The following PDE2A variants were observed in gnomAD, a reference collection of about 807,000 sequenced individuals.
The protein encoded by PDE2A is cGMP-dependent 3',5'-cyclic phosphodiesterase.
Under a neutral mutation model 133.6 loss-of-function variants are expected in PDE2A, and 53 were observed. The observed-to-expected ratio is 0.40, with a 90% CI of 0.32 to 0.50. The LOEUF (loss-of-function observed/expected upper bound fraction) is 0.50. Ranked by LOEUF, PDE2A falls within the 20% of genes least tolerant of loss-of-function variation. PDE2A has a pLI of 0.73. For synonymous variants in PDE2A, 491 were observed against 490.2 expected (o/e 1.00, Z -0.02); for missense variants, 796 against 1,232.4 (o/e 0.65, Z 5.30).
chr11:72,597,562 C>A lies in PDE2A; in HGVS notation c.381G>T (p.Leu127=), dbSNP rs746887956. The A allele has an allele frequency of 1.9e-6, 3 of 1,612,252 alleles. No homozygotes were observed. The highest frequency in any genetic ancestry group is 1.1e-5 in the South Asian group (1 of 91,064). The change falls in exon 5 of 31, where the codon CTG becomes CTT. Residue 127 remains leucine (L), a synonymous_variant. Coordinates refer to ENST00000334456, the MANE Select transcript of PDE2A (RefSeq NM_002599.5). This position sits in a 1 kb window ranked among gnomAD's most constrained non-coding sequence, Gnocchi z 4.6. ...CCAGCCTGGCCAAGGGCTTCCCTGG[C>A]AGGTCTGAGAAGCCCAGCCCATTGC... ...LGCNGLGFSD[L]PGKPLARLVA...
chr11:72,581,285 C>T (rs1591012781), intron 23 of PDE2A, 72 bp downstream of exon 23: 3 of 1,474,806 alleles, frequency 2.0e-6, no homozygotes, highest in Non-Finnish European at 2.8e-6. Flanking sequence ...GCCTGACACA[C>T]AGGGGGTGCT....
rs570988465 is a variant in PDE2A at position 72,663,350 on chromosome 11, G to T, written c.71+10787C>A. Among the ~76,000 whole-genome samples the T allele has an allele frequency of 3.3e-5, 5 of 152,316 alleles. No homozygotes were observed. In the East Asian group the frequency reaches 7.7e-4, roughly 23 times the overall value. The stretch of plus-strand genomic sequence containing the variant: ...CTGTGCTGCCCAGATACAGAGCGCG[G>T]TGATCACGGCAGGAAGCAGCTCTCA... On this transcript the variant is annotated intron_variant, in intron 1 of 30. Transcript: ENST00000334456.
intron 1 of PDE2A, among the ~76,000 whole-genome samples, chr11:72,670,219 C>G (rs1855353736): frequency 6.6e-6 from 1 of 151,006 alleles, no homozygotes. Context: ...AATGGCCCCT[C>G]CTCCTAAATA....
intron 20 of PDE2A, among the ~76,000 whole-genome samples, chr11:72,583,131 T>A (rs1855796831): frequency 6.6e-6 from 1 of 152,212 alleles, no homozygotes; most frequent in African/African-American, 2.4e-5. Flanking sequence ...GGGTCCTGGG[T>A]GAGCTTCCTA....
intron 1 of PDE2A, among the ~76,000 whole-genome samples, chr11:72,665,911 C>CAA (rs34755048): frequency 1.4e-5 from 2 of 147,326 alleles, no homozygotes; most frequent in African/African-American, 5.0e-5. Flanking sequence ...AAAACAACAA[C>CAA]AAAAAAAAAA....
rs1855579713 is a variant in PDE2A, at chr11:72,578,781, T to C, written c.2469+116A>G. The C allele has an allele frequency of 2.8e-6, 2 of 705,148 alleles. No homozygotes were observed. The highest frequency in any genetic ancestry group is 5.1e-6 in the Non-Finnish European group (2 of 393,206). 43.7% of individuals were successfully genotyped at this position (705,148 alleles called of 1,614,324 possible). On this transcript the variant is annotated intron_variant, in intron 28 of 30. Transcript: ENST00000334456. This position sits in a 1 kb window ranked among gnomAD's most constrained non-coding sequence, Gnocchi z 4.2. ...CACCCTGAGATGGTCTAGGTTTCTG[T>C]CTCCCCAGAACACAGCCAGGCTGAG...
chr11:72,660,820 G>A (rs992215359), intron 1 of PDE2A, among the ~76,000 whole-genome samples: 1 of 151,968 alleles, frequency 6.6e-6, no homozygotes, highest in Non-Finnish European at 1.5e-5. Context: ...GTAGAAGTAG[G>A]GGTAGGGCAC....
Position 72,597,477 on chromosome 11 carries a change from TG to T in PDE2A, c.433+32del. 3 of 1,253,078 alleles carry T rather than the reference TG, an allele frequency of 2.4e-6. No individual in the cohort carries two copies. Among genetic ancestry groups the T allele is most frequent in the Non-Finnish European group, 3.5e-6 (3 of 869,456 alleles). The allele number at this position is 1,253,078 out of a possible 1,614,324, so 77.6% of individuals were successfully genotyped here. ...AGGGGCCACAGTCCCTCCCTGCCCC[TG>T]CCCCTGCCCCTGCCCAGCCCCTAGC... On this transcript the variant is annotated intron_variant, in intron 5 of 30. Transcript: ENST00000334456. This position sits in a 1 kb window ranked among gnomAD's most constrained non-coding sequence, Gnocchi z 4.6.
At chr11:72,655,003 A>G (rs1425769681) in intron 1 of PDE2A, among the ~76,000 whole-genome samples, 5 of 151,920 alleles carry the variant, frequency 3.3e-5, no homozygotes, top group Non-Finnish European at 7.4e-5. Context: ...TGGGAGTTTG[A>G]TTCTCAGCCT....
intron 6 of PDE2A, 119 bp downstream of exon 6, chr11:72,596,473 CT>C (rs1856486410): frequency 1.3e-5 from 3 of 238,490 alleles, no homozygotes; most frequent in African/African-American, 1.1e-4. Context: ...CTCTCTCTCT[CT>C]CTCTCTCTCT....
intron 10 of PDE2A, 48 bp downstream of exon 10, chr11:72,589,859 T>C: frequency 6.2e-7 from 1 of 1,608,454 alleles, no homozygotes; most frequent in Non-Finnish European, 8.5e-7. Context: ...GAGACCCGAG[T>C]TCCTCGCCCA....
chr11:72,638,785 C>T lies in PDE2A; in HGVS notation c.144+3469G>A, dbSNP rs78688103. Among the ~76,000 whole-genome samples the T allele has an allele frequency of 1.6e-3, 250 of 152,298 alleles. 1 individual carries two copies. Among genetic ancestry groups the T allele is most frequent in the African/African-American group, 5.8e-3 (240 of 41,550 alleles). The stretch of plus-strand genomic sequence containing the variant: ...ATGTCAACGACAATGAAGATAATTC[C>T]AGCCAGAGACAATGGGATAAAAAAG... On this transcript the variant is annotated intron_variant, in intron 2 of 30. Transcript: ENST00000334456.
intron 6 of PDE2A, among the ~76,000 whole-genome samples, chr11:72,594,787 C>T (rs905028934): frequency 4.6e-5 from 7 of 152,146 alleles, no homozygotes; most frequent in African/African-American, 1.7e-4. Context: ...CTACCTGTGC[C>T]CCAAGGCCCC....
chr11:72,585,033 G>A, intron 16 of PDE2A, 89 bp from the exon 17 acceptor site: 3 of 1,284,282 alleles, frequency 2.3e-6, no homozygotes, highest in African/African-American at 1.5e-5. Flanking sequence ...CCGGATTTCC[G>A]AGGCCTGGGA....
intron 12 of PDE2A, 71 bp downstream of exon 12, chr11:72,589,104 G>C (rs1856112669): frequency 2.1e-6 from 3 of 1,409,544 alleles, no homozygotes; most frequent in Non-Finnish European, 2.0e-6. Flanking sequence ...CTCTGTAACA[G>C]AGACCCTGGC....
intron 18 of PDE2A, 30 bp from the exon 19 acceptor site, chr11:72,584,343 C>G (rs201820777): frequency 2.5e-5 from 36 of 1,444,514 alleles, no homozygotes; most frequent in Admixed American, 1.7e-5. Flanking sequence ...AAGGAACCAC[C>G]GGTGGAGGGA....
At chr11:72,583,596 C>T in intron 19 of PDE2A, 81 bp from the exon 20 acceptor site, 1 of 894,052 alleles carries the variant, frequency 1.1e-6, no homozygotes, top group East Asian at 2.4e-5. Context: ...ATGAAGGGGT[C>T]AAAAAGACAC....
chr11:72,672,670 G>A (rs1411679328), intron 1 of PDE2A, among the ~76,000 whole-genome samples: 1 of 151,898 alleles, frequency 6.6e-6, no homozygotes, highest in African/African-American at 2.4e-5. Flanking sequence ...CCCAGCCCAG[G>A]GCCTTTGCTT....
chr11:72,595,423 G>A (rs750520789), intron 6 of PDE2A, among the ~76,000 whole-genome samples: 11 of 151,898 alleles, frequency 7.2e-5, no homozygotes, highest in Admixed American at 1.3e-4. Flanking sequence ...AACCGGGGGT[G>A]GGGGGAGCAG....
Sources: allele counts gnomAD v4.1 joint callset (sites outside exome capture counted in the v4.1 genomes callset), GRCh38; gene constraint gnomAD v4.1.1; non-coding constraint Gnocchi (gnomAD v3.1); transcripts MANE v1.5; gene names NCBI Gene and HGNC (gene_info 2026-07-23, HGNC 2026-07-21).